Variants in SVEP1 observed in about 807,000 individuals in gnomAD.
The protein encoded by SVEP1 is sushi, von Willebrand factor type A, EGF and pentraxin domain containing 1.
Under a neutral mutation model 367.3 loss-of-function variants are expected in SVEP1, and 164 were observed. The ratio of observed to expected loss-of-function variants is 0.45; its 90% CI spans 0.39 to 0.51. SVEP1 has a LOEUF of 0.51. SVEP1 is among the 20% of genes least tolerant of loss of function. The pLI is 0.00. For missense variants in SVEP1, 4,117 were observed against 4,425.3 expected (o/e 0.93, Z 1.98); for synonymous variants, 1,666 against 1,611.6 (o/e 1.03, Z -0.81).
At chr9:110,552,463 T>C (rs1830302300) in intron 1 of SVEP1, among the ~76,000 whole-genome samples, 1 of 152,166 alleles carries the variant, frequency 6.6e-6, no homozygotes, top group South Asian at 2.1e-4. Context: ...TTATATTTAT[T>C]GTGCACTTTA....
chr9:110,479,887 T>A, intron 12 of SVEP1, 131 bp from the exon 13 acceptor site: 2 of 1,311,214 alleles, frequency 1.5e-6, no homozygotes, highest in South Asian at 1.4e-5. Flanking sequence ...AAACAAGAGA[T>A]GACAGTTAAG....
At chr9:110,454,810 G>A (rs1468580565) in intron 22 of SVEP1, among the ~76,000 whole-genome samples, 3 of 152,088 alleles carry the variant, frequency 2.0e-5, no homozygotes, top group Admixed American at 2.0e-4. Context: ...CTATTAGAGG[G>A]GAGAAGAAAG....
chr9:110,455,782 T>C, intron 21 of SVEP1, 79 bp from the exon 22 acceptor site: 2 of 1,153,320 alleles, frequency 1.7e-6, no homozygotes, highest in African/African-American at 1.6e-5. Context: ...TTAAAGGTAA[T>C]TATCTCAATA....
At position 110,375,297 on chromosome 9, in the gene SVEP1, A is replaced by T. The variant is rs1010096829; in HGVS notation, c.10600+71T>A. 1.1e-4 allele frequency: 144 copies of T among 1,344,908 alleles called. No homozygotes were observed. Among genetic ancestry groups the T allele is most frequent in the Non-Finnish European group, 1.4e-4 (140 of 979,662 alleles). The allele number at this position is 1,344,908 out of a possible 1,614,324, so 83.3% of individuals were successfully genotyped here. ...TTGCCACCACTTCTGAGTCTAAGTC[A>T]CACTCTTCAATGTCCTCTGGAGTTT... On this transcript the variant is annotated intron_variant, in intron 46 of 47. Coordinates refer to ENST00000374469, the MANE Select transcript of SVEP1 (RefSeq NM_153366.4).
intron 3 of SVEP1, among the ~76,000 whole-genome samples, chr9:110,541,875 A>C (rs1830154456): frequency 7.0e-6 from 1 of 142,360 alleles, no homozygotes; most frequent in African/African-American, 2.7e-5. Flanking sequence ...ATAGATATCT[A>C]TATATATCTA....
intron 14 of SVEP1, among the ~76,000 whole-genome samples, chr9:110,474,493 C>T (rs1829070083): frequency 6.6e-6 from 1 of 152,098 alleles, no homozygotes; most frequent in South Asian, 2.1e-4. Context: ...CATGTGCCAC[C>T]TGCCCATGCT....
intron 36 of SVEP1, among the ~76,000 whole-genome samples, chr9:110,424,383 T>C (rs1353793185): frequency 2.0e-5 from 3 of 152,108 alleles, no homozygotes; most frequent in Non-Finnish European, 4.4e-5. Context: ...AAATCAAAGC[T>C]TCAAAAGGAT....
chr9:110,467,519 A>T (rs1401063334), intron 17 of SVEP1, among the ~76,000 whole-genome samples: 2 of 152,110 alleles, frequency 1.3e-5, no homozygotes, highest in African/African-American at 2.4e-5. Context: ...TGATTGGATC[A>T]CGGGGGTGGA....
intron 3 of SVEP1, among the ~76,000 whole-genome samples, chr9:110,532,889 C>A (rs976837615): frequency 6.6e-6 from 1 of 152,042 alleles, no homozygotes; most frequent in African/African-American, 2.4e-5. Context: ...TCCTGTAGAG[C>A]AACAATCCCC....
intron 46 of SVEP1, 98 bp downstream of exon 46, chr9:110,375,270 T>G: frequency 9.3e-7 from 1 of 1,078,094 alleles, no homozygotes; most frequent in Non-Finnish European, 1.3e-6. Context: ...TACTTTTTCA[T>G]TTTGCCACCA....
intron 27 of SVEP1, among the ~76,000 whole-genome samples, chr9:110,441,905 T>C (rs1828514831): frequency 6.6e-6 from 1 of 152,210 alleles, no homozygotes; most frequent in African/African-American, 2.4e-5. Context: ...CCTATTGATT[T>C]TAGGGTGAAA....
chr9:110,375,070 C>A (rs997419190), intron 46 of SVEP1, among the ~76,000 whole-genome samples: 1 of 151,556 alleles, frequency 6.6e-6, no homozygotes, highest in Middle Eastern at 3.2e-3. Context: ...AAGTATTATT[C>A]TGAACCTCTG....
intron 8 of SVEP1, among the ~76,000 whole-genome samples, chr9:110,495,154 C>T (rs1829426766): frequency 6.6e-6 from 1 of 152,192 alleles, no homozygotes; most frequent in Non-Finnish European, 1.5e-5. Context: ...TTCAACTTCT[C>T]CATCTCAATT....
Position 110,408,654 on chromosome 9 carries a change from G to T in SVEP1, c.6946C>A (p.Pro2316Thr). ...KSGKWNKKSN[P>T]KCMPAKCPEP... ...GGGCACTTGGCAGGCATGCACTTTG[G>T]ATTTGACTTCTTATTCCATTTGCCA... The change falls in exon 38 of 48, where the codon CCA becomes ACA. Residue 2316 changes from proline (P) to threonine (T), a missense_variant. By Grantham distance (38) the Pro-to-Thr change is conservative. Transcript: ENST00000374469. 1 of 1,614,042 alleles carries T rather than the reference G, an allele frequency of 6.2e-7. No homozygotes were observed. Among genetic ancestry groups the T allele is most frequent in the South Asian group, 1.1e-5 (1 of 91,084 alleles).
At chr9:110,531,902 C>G (rs1483335708) in intron 3 of SVEP1, among the ~76,000 whole-genome samples, 1 of 152,144 alleles carries the variant, frequency 6.6e-6, no homozygotes, top group Non-Finnish European at 1.5e-5. Flanking sequence ...AACCACATAA[C>G]ATAAAAGAGA....
At chr9:110,390,262 T>TACTTATATAA (rs1564127430) in intron 40 of SVEP1, among the ~76,000 whole-genome samples, 6 of 58,714 alleles carry the variant, frequency 1.0e-4, no homozygotes, top group African/African-American at 2.9e-4. Context: ...TATATAAGTA[T>TACTTATATAA]GTATATATAT....
intron 23 of SVEP1, among the ~76,000 whole-genome samples, chr9:110,450,995 G>C (rs72746759): frequency 0.14 from 21,896 of 152,048 alleles, 1,992 homozygotes; most frequent in Admixed American, 0.2. Flanking sequence ...TTTGCAATAT[G>C]ATATTACATG....
In SVEP1 at chr9:110,392,800, T is replaced by C. The variant is rs139240185; in HGVS notation, c.9823-3213A>G. Among the ~76,000 whole-genome samples the C allele has an allele frequency of 1.6e-4, 25 of 152,360 alleles. No individual in the cohort carries two copies. In the East Asian group the frequency reaches 4.4e-3, roughly 27 times the overall value. On this transcript the variant is annotated intron_variant, in intron 40 of 47. Coordinates refer to ENST00000374469, the MANE Select transcript of SVEP1 (RefSeq NM_153366.4). The stretch of plus-strand genomic sequence containing the variant: ...GACCTATTTGATGTGTTTCAGTCCA[T>C]TGAAGTTATTACCCTTGTTAATGCT...
At chr9:110,531,714 G>A (rs1314865458) in intron 3 of SVEP1, among the ~76,000 whole-genome samples, 2 of 152,118 alleles carry the variant, frequency 1.3e-5, no homozygotes, top group Admixed American at 6.6e-5. Context: ...GAAATAGTTT[G>A]ATTAATGGAT....
Sources: allele counts gnomAD v4.1 joint callset (sites outside exome capture counted in the v4.1 genomes callset), GRCh38; gene constraint gnomAD v4.1.1; transcripts MANE v1.5; gene names NCBI Gene and HGNC (gene_info 2026-07-23, HGNC 2026-07-21).